ATF2: variants seen among roughly 807,000 people sequenced by gnomAD.
The protein encoded by ATF2 is activating transcription factor 2.
In ATF2, 24 loss-of-function variants were observed where a neutral mutation model predicts 60.6. The observed-to-expected ratio is 0.40, with a 90% CI of 0.29 to 0.56. The LOEUF is 0.56. Ranked by LOEUF, ATF2 falls within the 20% of genes least tolerant of loss-of-function variation. The pLI is 0.54. For missense variants in ATF2, 433 were observed against 607.7 expected (o/e 0.71, Z 3.02); for synonymous variants, 206 against 215.4 (o/e 0.96, Z 0.38).
intron 2 of ATF2, among the ~76,000 whole-genome samples, chr2:175,142,458 T>A (rs1698611874): frequency 6.6e-6 from 1 of 152,110 alleles, no homozygotes; most frequent in Non-Finnish European, 1.5e-5. Context: ...TGAGCCATTG[T>A]GCCTGGCCCT....
At chr2:175,075,050 G>A in intron 13 of ATF2, 1 of 1,419,630 alleles carries the variant, frequency 7.0e-7, no homozygotes, top group Non-Finnish European at 9.2e-7. Flanking sequence ...ACATCTGGGT[G>A]CCCACTGCCT....
At position 175,093,205 on chromosome 2, in the gene ATF2, A is replaced by G. The variant is rs1265223105; in HGVS notation, c.1041T>C (p.Ala347=). The change falls in exon 12 of 14, where the codon GCT becomes GCC. Residue 347 remains alanine, a synonymous_variant. Transcript: ENST00000264110. ...QSTSGRRRRA[A]NEDPDEKRRK... ...TCCTTTTTTCATCAGGATCTTCGTT[A>G]GCTGCTCTTCTCCGACGACCACTTG... is the stretch of plus-strand genomic sequence containing the variant. The G allele has an allele frequency of 1.2e-6, 2 of 1,614,100 alleles. No homozygotes were observed. The highest frequency in any genetic ancestry group is 1.7e-6 in the Non-Finnish European group (2 of 1,180,014).
At chr2:175,116,471 G>C (rs1696577624) in intron 7 of ATF2, among the ~76,000 whole-genome samples, 2 of 151,982 alleles carry the variant, frequency 1.3e-5, no homozygotes, top group South Asian at 4.1e-4. Flanking sequence ...AGTTTAAGAT[G>C]TCTATTAGAC....
At chr2:175,121,315 T>C (rs1251692124) in intron 5 of ATF2, 129 bp downstream of exon 5, 4 of 478,324 alleles carry the variant, frequency 8.4e-6, no homozygotes, top group Non-Finnish European at 1.0e-5. Flanking sequence ...AAAATACATG[T>C]TGCCAACATT....
At chr2:175,082,527 C>G (rs1693834528) in intron 12 of ATF2, among the ~76,000 whole-genome samples, 1 of 152,102 alleles carries the variant, frequency 6.6e-6, no homozygotes, top group Admixed American at 6.5e-5. Flanking sequence ...AGACTGATGT[C>G]TACAAGTTTC....
chr2:175,143,247 A>G (rs1025262377), intron 2 of ATF2, among the ~76,000 whole-genome samples: 4 of 152,204 alleles, frequency 2.6e-5, no homozygotes, highest in Non-Finnish European at 5.9e-5. Flanking sequence ...ATGGTGATAC[A>G]TAACTTTATA....
At chr2:175,124,990 C>CA (rs1032710848) in intron 4 of ATF2, among the ~76,000 whole-genome samples, 5 of 151,946 alleles carry the variant, frequency 3.3e-5, no homozygotes, top group Admixed American at 1.3e-4. Context: ...TTTAATAGCA[C>CA]AAGTCTAGTA....
At chr2:175,138,371 T>C (rs1698277003) in intron 2 of ATF2, among the ~76,000 whole-genome samples, 1 of 152,202 alleles carries the variant, frequency 6.6e-6, no homozygotes, top group African/African-American at 2.4e-5. Flanking sequence ...CATTAACTAA[T>C]CAAGCATCCA....
intron 1 of ATF2, among the ~76,000 whole-genome samples, chr2:175,163,002 T>C (rs1269616485): frequency 2.0e-5 from 3 of 151,854 alleles, no homozygotes; most frequent in Admixed American, 1.3e-4. Flanking sequence ...GGCGTGGTGG[T>C]GGGTGCCTGT....
Position 175,093,275 on chromosome 2 carries a change from A to T in ATF2, c.979-8T>A. 6.2e-7 allele frequency: 1 copy of T among 1,612,892 alleles called. No homozygotes were observed. The highest frequency in any genetic ancestry group is 8.5e-7 in the Non-Finnish European group (1 of 1,179,320). On this transcript the variant is annotated splice_polypyrimidine_tract_variant and splice_region_variant and intron_variant, in intron 11 of 13. Transcript: ENST00000264110. ...TGTGTGAGCTGGAGAAGCCTATTATAAACAGAGATGAAAGCCTGTTATATT... is the reference window on the plus strand; with the variant it reads ...TGTGTGAGCTGGAGAAGCCTATTATTAACAGAGATGAAAGCCTGTTATATT...
intron 12 of ATF2, among the ~76,000 whole-genome samples, chr2:175,082,943 C>T (rs956482082): frequency 5.9e-5 from 9 of 151,462 alleles, no homozygotes; most frequent in African/African-American, 1.9e-4. Flanking sequence ...TTACAAGGGA[C>T]GTGAAGGACC....
At chr2:175,166,121 C>T (rs995008858) in intron 1 of ATF2, among the ~76,000 whole-genome samples, 5 of 151,964 alleles carry the variant, frequency 3.3e-5, no homozygotes, top group African/African-American at 1.2e-4. Context: ...GAAATGCACC[C>T]GGAGCTATAG....
In ATF2 at chr2:175,072,983, TAGG is replaced by T. The variant is rs1353482767; in HGVS notation, c.*1623_*1625del. On this transcript the variant is annotated 3_prime_UTR_variant, in exon 14 of 14. Transcript: ENST00000264110. ...CAGACTTTTAAAATGTCAGTCTCAT[TAGG>T]AGATGGCACTGAGACTTTAGCAAAT... 1.3e-5 allele frequency: 2 copies of T among 152,126 alleles called. No homozygotes were observed. 9.4% of individuals were successfully genotyped at this position (152,126 alleles called of 1,614,324 possible).
intron 13 of ATF2, chr2:175,075,229 A>T: frequency 2.9e-6 from 1 of 348,666 alleles, no homozygotes; most frequent in Non-Finnish European, 5.0e-6. Flanking sequence ...AAAATGTATA[A>T]CCACATGCAT....
rs764001941 is a variant in ATF2, at chr2:175,093,058, T to C, written c.1185+3A>G. ...AAACAAAATTCACATATATGCACCATACCTGCAGCTGACCATTTAATGAAC... is the reference window on the plus strand; with the variant it reads ...AAACAAAATTCACATATATGCACCACACCTGCAGCTGACCATTTAATGAAC... On this transcript the variant is annotated splice_donor_region_variant and intron_variant, in intron 12 of 13. Coordinates refer to ENST00000264110, the MANE Select transcript of ATF2 (RefSeq NM_001880.4). 1.1e-5 allele frequency: 17 copies of C among 1,613,692 alleles called. No homozygotes were observed. In the Admixed American group the frequency reaches 2.5e-4, roughly 24 times the overall value.
intron 10 of ATF2, among the ~76,000 whole-genome samples, chr2:175,110,825 C>T (rs1451865420): frequency 4.6e-5 from 7 of 152,040 alleles, no homozygotes; most frequent in Non-Finnish European, 2.9e-5. Flanking sequence ...AGGTTGCTCT[C>T]GAACTCCTGA....
intron 2 of ATF2, chr2:175,147,897 T>G (rs1270451564): frequency 6.6e-6 from 1 of 152,064 alleles, no homozygotes; most frequent in Non-Finnish European, 1.5e-5. Context: ...ATCCTACATA[T>G]CCATGATCCT....
intron 1 of ATF2, among the ~76,000 whole-genome samples, chr2:175,151,879 T>TAG (rs1196569175): frequency 6.6e-6 from 1 of 152,204 alleles, no homozygotes; most frequent in African/African-American, 2.4e-5. Flanking sequence ...AAGTAAGTTC[T>TAG]AGCCATCACA....
At position 175,072,687 on chromosome 2, in the gene ATF2, A is replaced by G. The variant is rs1361639278; in HGVS notation, c.*1922T>C. ...AAAATAGCCTTCTTGCAGAATTCAT[A>G]TTTTGTGCCTTTGAGATAACTCCTT... On this transcript the variant is annotated 3_prime_UTR_variant, in exon 14 of 14. Coordinates refer to ENST00000264110, the MANE Select transcript of ATF2 (RefSeq NM_001880.4). The G allele has an allele frequency of 6.6e-6, 1 of 152,156 alleles. No homozygotes were observed. Among genetic ancestry groups the G allele is most frequent in the Non-Finnish European group, 1.5e-5 (1 of 68,006 alleles). The allele number at this position is 152,156 out of a possible 1,614,324, so 9.4% of individuals were successfully genotyped here. A position where few individuals can be genotyped will look rare whatever the true frequency, so the allele number is the denominator to read the frequency against.
Sources: allele counts gnomAD v4.1 joint callset (sites outside exome capture counted in the v4.1 genomes callset), GRCh38; gene constraint gnomAD v4.1.1; transcripts MANE v1.5; gene names NCBI Gene and HGNC (gene_info 2026-07-23, HGNC 2026-07-21).